Variants in SGCZ observed in about 807,000 individuals in gnomAD.
SGCZ encodes the protein sarcoglycan zeta, also known as zeta-sarcoglycan.
SGCZ carries 40 observed loss-of-function variants against 41.3 expected under a neutral mutation model. The observed-to-expected ratio is 0.97, with a 90% CI of 0.75 to 1.26. The LOEUF (loss-of-function observed/expected upper bound fraction) is 1.26, where lower values mean the gene tolerates loss of function less well. SGCZ is among the 50% of genes most tolerant of loss of function. The pLI, the probability that SGCZ is intolerant of heterozygous loss-of-function variation, is 0.00. For synonymous variants in SGCZ, 206 were observed against 137.5 expected, an observed-to-expected ratio of 1.50 and a Z score of -3.49; for missense variants, 552 against 369.8, an observed-to-expected ratio of 1.49 and a Z score of -4.04.
At chr8:14,550,487 A>T (rs1803769913) in intron 2 of SGCZ, among the ~76,000 whole-genome samples, 1 of 151,964 alleles carries the variant, frequency 6.6e-6, no homozygotes, top group Non-Finnish European at 1.5e-5. Context: ...CTTTTGTAGG[A>T]TGAAATATTT....
chr8:14,161,050 T>A (rs1341533868), intron 5 of SGCZ, among the ~76,000 whole-genome samples: 1 of 152,252 alleles, frequency 6.6e-6, no homozygotes, highest in African/African-American at 2.4e-5. Context: ...CACACATATC[T>A]GTCATCACAT....
intron 5 of SGCZ, among the ~76,000 whole-genome samples, chr8:14,117,008 G>A (rs1255557139): frequency 6.6e-6 from 1 of 152,016 alleles, no homozygotes; most frequent in Non-Finnish European, 1.5e-5. Flanking sequence ...GGAAGTCCAA[G>A]CATCTTCAAA....
At chr8:14,436,857 CTG>C (rs1057197122) in intron 2 of SGCZ, among the ~76,000 whole-genome samples, 7 of 152,146 alleles carry the variant, frequency 4.6e-5, no homozygotes, top group African/African-American at 1.4e-4. Context: ...TGTTGGAAAA[CTG>C]ACAAAATATG....
At chr8:14,808,185 T>C (rs1801613285) in intron 1 of SGCZ, among the ~76,000 whole-genome samples, 1 of 152,088 alleles carries the variant, frequency 6.6e-6, no homozygotes, top group African/African-American at 2.4e-5. Flanking sequence ...GGACTTCATG[T>C]CTAAAACACC....
intron 3 of SGCZ, among the ~76,000 whole-genome samples, chr8:14,244,883 G>T (rs1051122490): frequency 6.6e-6 from 1 of 151,922 alleles, no homozygotes; most frequent in Non-Finnish European, 1.5e-5. Flanking sequence ...CTCATGATTT[G>T]GCTCTCTGTT....
intron 1 of SGCZ, chr8:14,879,650 G>C (rs10503517): frequency 6.6e-6 from 1 of 150,870 alleles, no homozygotes; most frequent in East Asian, 2.0e-4. Flanking sequence ...ACAGTTCCTC[G>C]TTGTTTCACT....
chr8:14,112,738 G>T (rs932028854), intron 5 of SGCZ, among the ~76,000 whole-genome samples: 1 of 152,010 alleles, frequency 6.6e-6, no homozygotes, highest in Non-Finnish European at 1.5e-5. Flanking sequence ...ACCAGATCAT[G>T]AATAACATGA....
chr8:14,596,276 T>G (rs149999214), intron 1 of SGCZ, among the ~76,000 whole-genome samples: 4 of 152,228 alleles, frequency 2.6e-5, no homozygotes, highest in Non-Finnish European at 5.9e-5. Flanking sequence ...TAGAAGGTTG[T>G]GCACTAACTG....
chr8:14,912,992 T>A (rs1186781123), intron 1 of SGCZ, among the ~76,000 whole-genome samples: 1 of 152,064 alleles, frequency 6.6e-6, no homozygotes, highest in Non-Finnish European at 1.5e-5. Context: ...GTAATTAATT[T>A]TGTTTGTCCT....
At chr8:14,875,498 G>C (rs138334470) in intron 1 of SGCZ, among the ~76,000 whole-genome samples, 1 of 152,140 alleles carries the variant, frequency 6.6e-6, no homozygotes, top group Non-Finnish European at 1.5e-5. Context: ...TGAAAGCAGC[G>C]TCAGGGAGCA....
intron 1 of SGCZ, among the ~76,000 whole-genome samples, chr8:14,930,944 C>G (rs913357810): frequency 6.6e-6 from 1 of 151,938 alleles, no homozygotes; most frequent in African/African-American, 2.4e-5. Flanking sequence ...AGCAAACCAC[C>G]ATGGCACGTG....
intron 4 of SGCZ, among the ~76,000 whole-genome samples, chr8:14,187,418 A>C (rs1368621750): frequency 6.6e-6 from 1 of 152,238 alleles, no homozygotes; most frequent in Non-Finnish European, 1.5e-5. Context: ...AATTCAAAGT[A>C]AACTTTATAA....
At chr8:14,829,397 C>T (rs983413560) in intron 1 of SGCZ, among the ~76,000 whole-genome samples, 12 of 152,090 alleles carry the variant, frequency 7.9e-5, no homozygotes, top group Admixed American at 1.3e-4. Context: ...AACTTGATGA[C>T]GCTTATGTTG....
intron 1 of SGCZ, among the ~76,000 whole-genome samples, chr8:15,155,855 C>T (rs762313343): frequency 4.2e-4 from 64 of 151,996 alleles, no homozygotes; most frequent in Non-Finnish European, 3.7e-4. Context: ...CTCAGGAGCT[C>T]GAGATCAGCC....
At chr8:14,207,529 A>G (rs758607989) in intron 4 of SGCZ, among the ~76,000 whole-genome samples, 39 of 152,076 alleles carry the variant, frequency 2.6e-4, no homozygotes, top group Non-Finnish European at 4.3e-4. Context: ...ACATTGATCT[A>G]GTTTTCTATA....
At position 14,412,082 on chromosome 8, in the gene SGCZ, C is replaced by G. The variant is rs148122775; in HGVS notation, c.235-87878G>C. Among the ~76,000 whole-genome samples, 51 of 152,102 alleles carry G rather than the reference C, an allele frequency of 3.4e-4. 1 individual carries two copies. The highest frequency in any genetic ancestry group is 1.1e-3 in the African/African-American group (46 of 41,508). On this transcript the variant is annotated intron_variant, in intron 2 of 7. Coordinates refer to ENST00000382080, the MANE Select transcript of SGCZ (RefSeq NM_139167.4). ...CAGTGTTGACCTCAAAATTGCCATTCAAAGATTGATTTGCAGAAAAGAACA... is the reference window on the plus strand; with the variant it reads ...CAGTGTTGACCTCAAAATTGCCATTGAAAGATTGATTTGCAGAAAAGAACA...
chr8:14,290,570 C>T (rs950100675), intron 3 of SGCZ, among the ~76,000 whole-genome samples: 1 of 151,832 alleles, frequency 6.6e-6, no homozygotes. Flanking sequence ...AAATGGCCAA[C>T]AAATATGAAA....
At chr8:15,029,366 A>G (rs900436400) in intron 1 of SGCZ, among the ~76,000 whole-genome samples, 1 of 152,034 alleles carries the variant, frequency 6.6e-6, no homozygotes. Flanking sequence ...CCATATACCA[A>G]ATATATGTTA....
chr8:14,218,850 G>A (rs758644763), intron 4 of SGCZ, among the ~76,000 whole-genome samples: 1 of 152,194 alleles, frequency 6.6e-6, no homozygotes. Context: ...CCAAAGCAAT[G>A]AGAACCTTGG....
Sources: gnomAD v4.1 joint callset for allele counts (sites outside exome capture counted in the v4.1 genomes callset) on GRCh38, gnomAD v4.1.1 for gene constraint, MANE v1.5 for transcripts, NCBI Gene and HGNC (gene_info 2026-07-23, HGNC 2026-07-21) for gene names.